The following MYRIP variants were observed in gnomAD, a reference collection of about 807,000 sequenced individuals.
The protein encoded by MYRIP is rab effector MyRIP.
Under a neutral mutation model 98.0 loss-of-function variants are expected in MYRIP, and 49 were observed. The observed-to-expected ratio is 0.50, with a 90% CI of 0.40 to 0.63. The LOEUF (loss-of-function observed/expected upper bound fraction) is 0.63, where lower values mean the gene tolerates loss of function less well. MYRIP is among the 30% of genes least tolerant of loss of function. The pLI, the probability that MYRIP is intolerant of heterozygous loss-of-function variation, is 0.00. For synonymous variants in MYRIP, 404 were observed against 409.5 expected, an observed-to-expected ratio of 0.99 and a Z score of 0.16; for missense variants, 1,004 against 1,058.2, an observed-to-expected ratio of 0.95 and a Z score of 0.71.
intron 3 of MYRIP, among the ~76,000 whole-genome samples, chr3:40,138,830 A>G (rs141350825): frequency 0.011 from 1,728 of 152,296 alleles, 17 homozygotes; most frequent in Middle Eastern, 0.024. Flanking sequence ...GAAACATTCA[A>G]TACTCTCCTT....
At chr3:40,172,653 G>A (rs796832983) in intron 8 of MYRIP, among the ~76,000 whole-genome samples, 2 of 152,126 alleles carry the variant, frequency 1.3e-5, no homozygotes, top group African/African-American at 4.8e-5. Flanking sequence ...GGTCAGCAAG[G>A]CTCCAGGCCC....
At chr3:39,828,704 C>T (rs1217854515) in intron 1 of MYRIP, among the ~76,000 whole-genome samples, 2 of 152,146 alleles carry the variant, frequency 1.3e-5, no homozygotes, top group Non-Finnish European at 2.9e-5. Flanking sequence ...AGCTTAGCTC[C>T]CACATATCAA....
At chr3:40,178,943 A>G (rs987241251) in intron 8 of MYRIP, among the ~76,000 whole-genome samples, 1 of 152,156 alleles carries the variant, frequency 6.6e-6, no homozygotes, top group African/African-American at 2.4e-5. Flanking sequence ...AGATGTTCAA[A>G]CACTCTAACT....
chr3:39,837,258 A>G (rs192839452), intron 1 of MYRIP, among the ~76,000 whole-genome samples: 20 of 152,178 alleles, frequency 1.3e-4, no homozygotes, highest in Admixed American at 2.6e-4. Flanking sequence ...TGTTGCCATT[A>G]CTTTTGGCGT....
intron 2 of MYRIP, among the ~76,000 whole-genome samples, chr3:40,018,315 G>C (rs1234712258): frequency 6.6e-6 from 1 of 152,126 alleles, no homozygotes; most frequent in Non-Finnish European, 1.5e-5. Context: ...CTTTTACAAG[G>C]ATGATGCCAT....
chr3:39,867,851 T>C (rs573229951), intron 1 of MYRIP, among the ~76,000 whole-genome samples: 1 of 152,206 alleles, frequency 6.6e-6, no homozygotes, highest in African/African-American at 2.4e-5. Flanking sequence ...TGCACCTCCA[T>C]GTTCATTGCA....
Position 40,034,900 on chromosome 3 carries a change from A to G in MYRIP, c.111-9150A>G, listed in dbSNP as rs933230480. 1.1e-3 allele frequency among the ~76,000 whole-genome samples: 170 copies of G among 152,086 alleles called. 1 individual carries two copies. Among genetic ancestry groups the G allele is most frequent in the African/African-American group, 3.8e-3 (159 of 41,486 alleles). On this transcript the variant is annotated intron_variant, in intron 2 of 16. Coordinates refer to ENST00000302541, the MANE Select transcript of MYRIP (RefSeq NM_015460.4). Reference sequence around the variant, plus strand: ...ATGGAATACTATGCAGCCATAAAAAAGGATGAGTTCATGTCCTTTGTAGGG... The same window carrying G: ...ATGGAATACTATGCAGCCATAAAAAGGGATGAGTTCATGTCCTTTGTAGGG...
At chr3:39,903,196 A>C (rs1336824964) in intron 2 of MYRIP, among the ~76,000 whole-genome samples, 1 of 152,236 alleles carries the variant, frequency 6.6e-6, no homozygotes, top group Non-Finnish European at 1.5e-5. Context: ...TGACACTGCA[A>C]AACCACTGAA....
intron 8 of MYRIP, among the ~76,000 whole-genome samples, chr3:40,175,674 A>T (rs1174785773): frequency 6.6e-6 from 1 of 152,202 alleles, no homozygotes; most frequent in Non-Finnish European, 1.5e-5. Flanking sequence ...AGCTTTCTCA[A>T]ATGCTGTATA....
At chr3:40,150,984 AG>A in intron 3 of MYRIP, 63 bp from the exon 4 acceptor site, 1 of 1,411,502 alleles carries the variant, frequency 7.1e-7, no homozygotes, top group Non-Finnish European at 9.5e-7. Context: ...GAAGCATTGC[AG>A]CAGTTTTGCA....
At chr3:40,218,632 A>T (rs67998481) in intron 11 of MYRIP, among the ~76,000 whole-genome samples, 49,857 of 90,620 alleles carry the variant, frequency 0.55, 11,933 homozygotes, top group Non-Finnish European at 0.63. Flanking sequence ...ATATATATAT[A>T]TATATATATA....
At chr3:39,908,703 C>A (rs1333456269) in intron 2 of MYRIP, among the ~76,000 whole-genome samples, 1 of 152,090 alleles carries the variant, frequency 6.6e-6, no homozygotes, top group Non-Finnish European at 1.5e-5. Context: ...TTAGTAGAAA[C>A]TCAAAAAGTT....
chr3:40,094,062 AT>A (rs1948778798), intron 3 of MYRIP, among the ~76,000 whole-genome samples: 1 of 151,456 alleles, frequency 6.6e-6, no homozygotes, highest in African/African-American at 2.4e-5. Context: ...CCCCCTTCAC[AT>A]GTCCCAATTT....
In MYRIP at chr3:39,976,797, C is replaced by G. The variant is rs112178306; in HGVS notation, c.111-67253C>G. Reference sequence around the variant, plus strand: ...CATTCTTAGCAAACTATCACAAGGACAAAAAACCAAACACCGCATGTTCTC... The same window carrying G: ...CATTCTTAGCAAACTATCACAAGGAGAAAAAACCAAACACCGCATGTTCTC... On this transcript the variant is annotated intron_variant, in intron 2 of 16. Transcript: ENST00000302541. 7.6e-3 allele frequency among the ~76,000 whole-genome samples: 1,157 copies of G among 152,048 alleles called. 8 individuals carry two copies. The highest frequency in any genetic ancestry group is 0.027 in the African/African-American group (1,110 of 41,436).
chr3:39,999,370 G>T (rs543024340), intron 2 of MYRIP, among the ~76,000 whole-genome samples: 32 of 152,288 alleles, frequency 2.1e-4, no homozygotes, highest in African/African-American at 6.5e-4. Context: ...TGAAGGATAT[G>T]AACAGACACT....
intron 1 of MYRIP, among the ~76,000 whole-genome samples, chr3:39,830,234 A>C (rs1402131665): frequency 1.3e-5 from 2 of 152,094 alleles, no homozygotes; most frequent in Non-Finnish European, 2.9e-5. Flanking sequence ...GCAATATTCT[A>C]TTCACTTGGA....
At chr3:40,093,797 G>T (rs1266599388) in intron 3 of MYRIP, among the ~76,000 whole-genome samples, 1 of 152,230 alleles carries the variant, frequency 6.6e-6, no homozygotes, top group African/African-American at 2.4e-5. Flanking sequence ...ACCAGCAATA[G>T]CAATTTGCTT....
At chr3:40,222,451 C>T (rs1415352216) in intron 11 of MYRIP, among the ~76,000 whole-genome samples, 4 of 152,112 alleles carry the variant, frequency 2.6e-5, no homozygotes, top group Non-Finnish European at 4.4e-5. Flanking sequence ...TGAGCCCAGC[C>T]TCCAGAGTTG....
chr3:39,885,816 C>G (rs1040410737), intron 1 of MYRIP, among the ~76,000 whole-genome samples: 1 of 152,074 alleles, frequency 6.6e-6, no homozygotes, highest in Non-Finnish European at 1.5e-5. Flanking sequence ...ACATTCTTCA[C>G]GTAGTTCTCA....
Sources: gnomAD v4.1 joint callset for allele counts (sites outside exome capture counted in the v4.1 genomes callset) on GRCh38, gnomAD v4.1.1 for gene constraint, MANE v1.5 for transcripts, NCBI Gene and HGNC (gene_info 2026-07-23, HGNC 2026-07-21) for gene names.